The following ACSF3 variants were observed in gnomAD, a reference collection of about 807,000 sequenced individuals.
ACSF3 encodes the protein malonate--CoA ligase ACSF3, mitochondrial.
A neutral mutation model predicts 53.2 loss-of-function variants in ACSF3; 78 were observed. That is an observed-to-expected ratio of 1.47 (90% confidence interval 1.22 to 1.77). The LOEUF (loss-of-function observed/expected upper bound fraction) is 1.77. Among genes scored for constraint, ACSF3 ranks in the 40% most tolerant of loss-of-function variants. ACSF3 has a pLI of 0.00. For synonymous variants in ACSF3, 414 were observed against 333.1 expected (o/e 1.24, Z -2.65); for missense variants, 937 against 771.1 (o/e 1.22, Z -2.55).
chr16:89,128,320 G>A (rs1211877449), intron 7 of ACSF3, among the ~76,000 whole-genome samples: 3 of 151,522 alleles, frequency 2.0e-5, no homozygotes, highest in Non-Finnish European at 4.4e-5. Context: ...GAGTGCAATG[G>A]CATGATCTTG....
At chr16:89,109,395 A>T (rs975159371) in intron 4 of ACSF3, among the ~76,000 whole-genome samples, 12 of 132,540 alleles carry the variant, frequency 9.1e-5, no homozygotes, top group African/African-American at 3.4e-4. Flanking sequence ...ATGACTACTG[A>T]TGTTAAGCTT....
At chr16:89,108,695 C>T (rs114449452) in intron 4 of ACSF3, among the ~76,000 whole-genome samples, 20 of 152,288 alleles carry the variant, frequency 1.3e-4, no homozygotes, top group African/African-American at 4.8e-4. Context: ...GAGTTTCATC[C>T]ATGTTCTACT....
At chr16:89,137,131 C>T (rs1272194441) in intron 8 of ACSF3, among the ~76,000 whole-genome samples, 8 of 152,194 alleles carry the variant, frequency 5.3e-5, no homozygotes, top group Admixed American at 2.6e-4. Flanking sequence ...AGGAGAGGGG[C>T]GGTAGGGCAG....
At chr16:89,145,039 A>G (rs958396884) in intron 8 of ACSF3, 28 of 1,226,986 alleles carry the variant, frequency 2.3e-5, no homozygotes, top group Non-Finnish European at 3.1e-5. Context: ...CAGACCCCAC[A>G]TCATGGGCAC....
intron 8 of ACSF3, among the ~76,000 whole-genome samples, chr16:89,133,888 G>A (rs1909856711): frequency 6.6e-6 from 1 of 152,238 alleles, no homozygotes; most frequent in South Asian, 2.1e-4. Context: ...GGTCAGGAGA[G>A]ACGGCGGCGC....
Position 89,100,818 on chromosome 16 carries a change from T to C in ACSF3, c.137T>C (p.Val46Ala). ...PVARSDRSAP[V>A]FTRALAFGDR... ...GCCCGCTCGGACAGGAGCGCCCCGG[T>C]GTTCACCCGTGCCCTGGCCTTTGGG... The change falls in exon 3 of 11, where the codon GTG (valine) becomes GCG (alanine). Residue 46 changes from valine (V) to alanine (A), a missense_variant. Val to Ala is a moderately conservative substitution (Grantham distance 64). Coordinates refer to ENST00000614302, the MANE Select transcript of ACSF3 (RefSeq NM_001243279.3). 6.2e-7 allele frequency: 1 copy of C among 1,613,122 alleles called. No homozygotes were observed. Among genetic ancestry groups the C allele is most frequent in the Non-Finnish European group, 8.5e-7 (1 of 1,180,018 alleles).
rs567809312 is a variant in ACSF3 at position 89,137,009 on chromosome 16, G to A, written c.1366+3747G>A. Reference sequence around the variant, plus strand: ...CACGTGCCCTCGCTCAGAGACACACGCGCACATTTGCCACCTGGGGCGAGT... The same window carrying A: ...CACGTGCCCTCGCTCAGAGACACACACGCACATTTGCCACCTGGGGCGAGT... On this transcript the variant is annotated intron_variant, in intron 8 of 10. Coordinates refer to ENST00000614302, the MANE Select transcript of ACSF3 (RefSeq NM_001243279.3). Among the ~76,000 whole-genome samples, 4 of 152,346 alleles carry A rather than the reference G, an allele frequency of 2.6e-5. No homozygotes were observed. In the South Asian group the frequency reaches 8.3e-4, roughly 32 times the overall value.
chr16:89,145,774 A>G (rs1912815735), intron 9 of ACSF3, among the ~76,000 whole-genome samples, 164 bp from the exon 10 acceptor site: 1 of 152,140 alleles, frequency 6.6e-6, no homozygotes, highest in African/African-American at 2.4e-5. Context: ...TCCCCTCCCC[A>G]CAGGCCCAGC....
At chr16:89,101,529 G>T (rs1334532373) in intron 3 of ACSF3, among the ~76,000 whole-genome samples, 182 bp downstream of exon 3, 3 of 152,210 alleles carry the variant, frequency 2.0e-5, no homozygotes, top group Non-Finnish European at 4.4e-5. Flanking sequence ...GGCCTCACTG[G>T]CCACGCAGGA....
intron 4 of ACSF3, among the ~76,000 whole-genome samples, chr16:89,109,403 CTTTTTTTTTTTTT>C: frequency 2.0e-5 from 1 of 50,694 alleles, no homozygotes; most frequent in Non-Finnish European, 3.5e-5. Context: ...TGATGTTAAG[CTTTTTTTTTTTTT>C]TTTTTTTTTT....
chr16:89,154,242 C>G lies in ACSF3; in HGVS notation c.*35C>G, dbSNP rs1330192645. On this transcript the variant is annotated 3_prime_UTR_variant, in exon 11 of 11. Transcript: ENST00000614302. Reference sequence around the variant, plus strand: ...CTGGGACTGCGGGTCTGGTGGGGAGCAGCAGACGTCCCCTTCACACCGAGA... The same window carrying G: ...CTGGGACTGCGGGTCTGGTGGGGAGGAGCAGACGTCCCCTTCACACCGAGA... 6.3e-7 allele frequency: 1 copy of G among 1,595,922 alleles called. No individual in the cohort carries two copies. Among genetic ancestry groups the G allele is most frequent in the Middle Eastern group, 1.7e-4 (1 of 6,048 alleles).
intron 10 of ACSF3, chr16:89,151,199 C>A (rs1485526669): frequency 6.1e-6 from 3 of 492,854 alleles, no homozygotes; most frequent in Non-Finnish European, 1.2e-5. Flanking sequence ...TTAAAAGACA[C>A]AAATTGCCAA....
At chr16:89,133,701 C>T (rs2151522816) in intron 8 of ACSF3, among the ~76,000 whole-genome samples, 1 of 152,362 alleles carries the variant, frequency 6.6e-6, no homozygotes, top group African/African-American at 2.4e-5. Context: ...CACTTGTGCC[C>T]TCCACATCCT....
In ACSF3 at chr16:89,154,565, C is replaced by CAAAT. The variant is rs60450866; in HGVS notation, c.*361_*362insTAAA. The CAAAT allele has an allele frequency of 0.99, 466,377 of 472,150 alleles. 230,721 individuals carry two copies. Among genetic ancestry groups the CAAAT allele is most frequent in the Admixed American group, 1 (42,978 of 43,060 alleles). The allele number at this position is 472,150 out of a possible 1,614,324, so 29.2% of individuals were successfully genotyped here. A position where few individuals can be genotyped will look rare whatever the true frequency, so the allele number is the denominator to read the frequency against. On this transcript the variant is annotated 3_prime_UTR_variant, in exon 11 of 11. Transcript: ENST00000614302. Reference sequence around the variant, plus strand: ...GGTCCCAGAGGTTTCCCACAAAAAACAAAGACTCCACTGGAGGAAACAAGC... The same window carrying CAAAT: ...GGTCCCAGAGGTTTCCCACAAAAAACAAATAAAGACTCCACTGGAGGAAACAAGC...
intron 4 of ACSF3, among the ~76,000 whole-genome samples, chr16:89,104,738 C>T (rs376659369): frequency 2.6e-5 from 4 of 152,268 alleles, no homozygotes; most frequent in Admixed American, 1.3e-4. Context: ...GTCTCATCCC[C>T]GGAAAATAAG....
At chr16:89,100,033 C>T (rs1271108603) in intron 2 of ACSF3, among the ~76,000 whole-genome samples, 3 of 149,820 alleles carry the variant, frequency 2.0e-5, no homozygotes, top group Admixed American at 6.6e-5. Flanking sequence ...CCCAGCTACT[C>T]GGGAGGCTGA....
At chr16:89,134,365 T>G (rs987886272) in intron 8 of ACSF3, among the ~76,000 whole-genome samples, 4 of 152,148 alleles carry the variant, frequency 2.6e-5, no homozygotes, top group Admixed American at 2.0e-4. Context: ...TGAACGTGGG[T>G]GCTTAGCCGT....
chr16:89,136,742 GC>G, intron 8 of ACSF3: 1 of 1,287,280 alleles, frequency 7.8e-7, no homozygotes, highest in Non-Finnish European at 1.0e-6. Flanking sequence ...TGTGCCTACA[GC>G]CCGCTTCTGC....
At chr16:89,124,617 G>A (rs1907576984) in intron 7 of ACSF3, among the ~76,000 whole-genome samples, 1 of 151,188 alleles carries the variant, frequency 6.6e-6, no homozygotes. Flanking sequence ...CTGCGTGTAT[G>A]TGTGTGATAC....
Sources: allele counts gnomAD v4.1 joint callset (sites outside exome capture counted in the v4.1 genomes callset), GRCh38; gene constraint gnomAD v4.1.1; transcripts MANE v1.5; gene names NCBI Gene and HGNC (gene_info 2026-07-23, HGNC 2026-07-21).